Variants in LRRTM4 observed in about 807,000 individuals in gnomAD.
LRRTM4 encodes the protein leucine rich repeat transmembrane neuronal 4, also known as leucine-rich repeat transmembrane neuronal protein 4.
A neutral mutation model predicts 47.6 loss-of-function variants in LRRTM4; 25 were observed. The ratio of observed to expected loss-of-function variants is 0.53; its 90% CI spans 0.38 to 0.73. The LOEUF is 0.73. Ranked by LOEUF, LRRTM4 falls within the 30% of genes least tolerant of loss-of-function variation. LRRTM4 has a pLI of 0.00. For missense variants in LRRTM4, 638 were observed against 713.4 expected, an observed-to-expected ratio of 0.89 and a Z score of 1.20; for synonymous variants, 311 against 269.5, an observed-to-expected ratio of 1.15 and a Z score of -1.51.
At position 77,223,815 on chromosome 2, in the gene LRRTM4, T is replaced by C. The variant is rs140168135; in HGVS notation, c.1551+294503A>G. Reference sequence around the variant, plus strand: ...TAATTGATAGATTCAATGCCATCCCTATCAAGCTACCAATGACTTTCTTTA... The same window carrying C: ...TAATTGATAGATTCAATGCCATCCCCATCAAGCTACCAATGACTTTCTTTA... On this transcript the variant is annotated intron_variant, in intron 3 of 3. Coordinates refer to ENST00000409884, the MANE Select transcript of LRRTM4 (RefSeq NM_001134745.3). Among the ~76,000 whole-genome samples, 377 of 152,212 alleles carry C rather than the reference T, an allele frequency of 2.5e-3. 1 individual carries two copies. Among genetic ancestry groups the C allele is most frequent in the African/African-American group, 9.0e-3 (373 of 41,540 alleles).
At chr2:77,136,931 G>C (rs992992389) in intron 3 of LRRTM4, among the ~76,000 whole-genome samples, 2 of 151,802 alleles carry the variant, frequency 1.3e-5, no homozygotes, top group Non-Finnish European at 2.9e-5. Flanking sequence ...AGAGAAAAAA[G>C]AGTCAAAAGA....
chr2:76,808,124 A>G (rs887427488), intron 3 of LRRTM4, among the ~76,000 whole-genome samples: 4 of 151,572 alleles, frequency 2.6e-5, no homozygotes, highest in African/African-American at 9.7e-5. Flanking sequence ...GGTTCAAGGG[A>G]TTCTCCTGCC....
At chr2:77,030,133 G>A (rs1424420868) in intron 3 of LRRTM4, among the ~76,000 whole-genome samples, 1 of 152,086 alleles carries the variant, frequency 6.6e-6, no homozygotes, top group African/African-American at 2.4e-5. Flanking sequence ...CAAAAATGAA[G>A]TGATAAAAAT....
At chr2:76,936,377 A>G (rs1674949136) in intron 3 of LRRTM4, among the ~76,000 whole-genome samples, 1 of 149,782 alleles carries the variant, frequency 6.7e-6, no homozygotes, top group African/African-American at 2.5e-5. Context: ...CATAAGTGAG[A>G]GTTGAGCAAT....
intron 3 of LRRTM4, among the ~76,000 whole-genome samples, chr2:76,781,457 G>T (rs1162833536): frequency 2.0e-5 from 3 of 152,244 alleles, no homozygotes; most frequent in South Asian, 2.1e-4. Flanking sequence ...ATCTTGTGGT[G>T]GGCCCCTTTT....
chr2:76,792,512 C>CGT (rs1044023829), intron 3 of LRRTM4, among the ~76,000 whole-genome samples: 5 of 152,030 alleles, frequency 3.3e-5, no homozygotes, highest in Non-Finnish European at 2.9e-5. Flanking sequence ...ATTAGGAAGG[C>CGT]GTGTGTGTGT....
At chr2:76,968,096 G>A (rs960118325) in intron 3 of LRRTM4, among the ~76,000 whole-genome samples, 1 of 150,700 alleles carries the variant, frequency 6.6e-6, no homozygotes, top group East Asian at 2.0e-4. Flanking sequence ...ATATCGCACA[G>A]ATCTATCTGT....
intron 3 of LRRTM4, among the ~76,000 whole-genome samples, chr2:77,318,397 T>C (rs1421236558): frequency 6.6e-6 from 1 of 152,206 alleles, no homozygotes; most frequent in African/African-American, 2.4e-5. Flanking sequence ...CTGACTCATG[T>C]TGAAACACAC....
At chr2:77,211,476 G>C (rs1391432771) in intron 3 of LRRTM4, among the ~76,000 whole-genome samples, 2 of 152,158 alleles carry the variant, frequency 1.3e-5, no homozygotes, top group Non-Finnish European at 2.9e-5. Flanking sequence ...ATGGGCAAGT[G>C]ATTGGCCCAA....
At chr2:77,299,398 C>T (rs778035627) in intron 3 of LRRTM4, among the ~76,000 whole-genome samples, 9 of 150,666 alleles carry the variant, frequency 6.0e-5, no homozygotes, top group East Asian at 1.9e-4. Flanking sequence ...TGTATATATA[C>T]GTATATATAC....
At chr2:76,768,386 T>A (rs1435545171) in intron 3 of LRRTM4, among the ~76,000 whole-genome samples, 1 of 152,128 alleles carries the variant, frequency 6.6e-6, no homozygotes, top group South Asian at 2.1e-4. Flanking sequence ...TGAGTGAAAT[T>A]AGATTTTTTC....
At position 77,378,411 on chromosome 2, in the gene LRRTM4, T is replaced by C. The variant is rs576660887; in HGVS notation, c.1551+139907A>G. 8.2e-4 allele frequency among the ~76,000 whole-genome samples: 125 copies of C among 152,256 alleles called. 1 individual carries two copies. Among genetic ancestry groups the C allele is most frequent in the African/African-American group, 2.9e-3 (121 of 41,560 alleles). Reference sequence around the variant, plus strand: ...ATTTTGAAAGCTACTTTAAATTTATTCTAGATATGTGTATCTTTTCAAAAT... The same window carrying C: ...ATTTTGAAAGCTACTTTAAATTTATCCTAGATATGTGTATCTTTTCAAAAT... On this transcript the variant is annotated intron_variant, in intron 3 of 3. Transcript: ENST00000409884.
At chr2:77,356,572 G>A (rs932138809) in intron 3 of LRRTM4, among the ~76,000 whole-genome samples, 12 of 152,258 alleles carry the variant, frequency 7.9e-5, no homozygotes, top group African/African-American at 2.6e-4. Flanking sequence ...GATTCAATTT[G>A]TTTAGAGAAA....
Position 77,514,023 on chromosome 2 carries a change from A to G in LRRTM4, c.1551+4295T>C, listed in dbSNP as rs370673232. 2.0e-5 allele frequency among the ~76,000 whole-genome samples: 3 copies of G among 152,168 alleles called. No homozygotes were observed. The East Asian group carries it at 5.8e-4, about 29-fold the overall frequency. ...GATGGACATTAATTCTGATGGAAAT[A>G]TGTTTCTATTTTGTCTTTATATGCA... On this transcript the variant is annotated intron_variant, in intron 3 of 3. Transcript: ENST00000409884.
At chr2:77,521,139 G>C (rs917420722) in intron 2 of LRRTM4, among the ~76,000 whole-genome samples, 1 of 151,688 alleles carries the variant, frequency 6.6e-6, no homozygotes, top group Non-Finnish European at 1.5e-5. Context: ...ACAGGAGAAA[G>C]GGGGGGAAAA....
intron 3 of LRRTM4, among the ~76,000 whole-genome samples, chr2:77,461,433 C>T (rs556701612): frequency 6.6e-6 from 1 of 152,180 alleles, no homozygotes; most frequent in African/African-American, 2.4e-5. Flanking sequence ...TGGATACACA[C>T]ATCTTCCTGC....
At chr2:77,343,115 GAGGTA>G (rs1671435154) in intron 3 of LRRTM4, among the ~76,000 whole-genome samples, 1 of 151,930 alleles carries the variant, frequency 6.6e-6, no homozygotes, top group African/African-American at 2.4e-5. Flanking sequence ...CAGGTCGTTT[GAGGTA>G]AGTAGAAACA....
chr2:77,004,577 G>C (rs1035783229), intron 3 of LRRTM4, among the ~76,000 whole-genome samples: 1 of 152,176 alleles, frequency 6.6e-6, no homozygotes, highest in Non-Finnish European at 1.5e-5. Context: ...TGCTAGAGCA[G>C]TGCAGAGGAG....
At chr2:76,879,506 T>C (rs1345809084) in intron 3 of LRRTM4, among the ~76,000 whole-genome samples, 2 of 152,212 alleles carry the variant, frequency 1.3e-5, no homozygotes, top group African/African-American at 4.8e-5. Context: ...GACTTACTGC[T>C]TGGTAATAAA....
Sources: allele counts gnomAD v4.1 joint callset (sites outside exome capture counted in the v4.1 genomes callset), GRCh38; gene constraint gnomAD v4.1.1; transcripts MANE v1.5; gene names NCBI Gene and HGNC (gene_info 2026-07-23, HGNC 2026-07-21).